CHRNA3: variants seen among roughly 807,000 people sequenced by gnomAD.
CHRNA3 encodes the protein cholinergic receptor nicotinic alpha 3 subunit, also known as neuronal acetylcholine receptor subunit alpha-3.
A neutral mutation model predicts 41.9 loss-of-function variants in CHRNA3; 34 were observed. The observed-to-expected ratio is 0.81, with a 90% CI of 0.62 to 1.08. CHRNA3 has a LOEUF of 1.08. Among genes scored for constraint, CHRNA3 ranks in the 50% least tolerant of loss-of-function variants. The pLI is 0.00. For synonymous variants in CHRNA3, 281 were observed against 265.2 expected, an observed-to-expected ratio of 1.06 and a Z score of -0.58; for missense variants, 542 against 638.3, an observed-to-expected ratio of 0.85 and a Z score of 1.63.
chr15:78,596,857 CCT>C, intron 5 of CHRNA3, 125 bp from the exon 6 acceptor site: 1 of 1,346,968 alleles, frequency 7.4e-7, no homozygotes, highest in Non-Finnish European at 9.7e-7. Context: ...TGTAAGAAGC[CCT>C]TTTTTTCCTA....
chr15:78,610,846 A>G (rs2053369004), intron 4 of CHRNA3, among the ~76,000 whole-genome samples: 1 of 152,252 alleles, frequency 6.6e-6, no homozygotes, highest in African/African-American at 2.4e-5. Flanking sequence ...AATAAAGCAG[A>G]AAGAAGAATC....
chr15:78,618,358 C>A, intron 3 of CHRNA3: 1 of 520,828 alleles, frequency 1.9e-6, no homozygotes, highest in Non-Finnish European at 3.5e-6. Context: ...GTTGTGTGAA[C>A]ATGGAGAATG....
chr15:78,597,507 A>C (rs565919228), intron 5 of CHRNA3, among the ~76,000 whole-genome samples: 18 of 151,910 alleles, frequency 1.2e-4, no homozygotes, highest in Non-Finnish European at 2.2e-4. Context: ...GTCCATCCTC[A>C]TCACTCTTTC....
chr15:78,620,922 G>C lies in CHRNA3; in HGVS notation c.-128C>G. 10 of 1,178,804 alleles carry C rather than the reference G, an allele frequency of 8.5e-6. No individual in the cohort carries two copies. The highest frequency in any genetic ancestry group is 1.1e-5 in the Non-Finnish European group (10 of 939,328). The allele number at this position is 1,178,804 out of a possible 1,614,324, so 73.0% of individuals were successfully genotyped here. On this transcript the variant is annotated 5_prime_UTR_variant, in exon 1 of 6. Coordinates refer to ENST00000326828, the MANE Select transcript of CHRNA3 (RefSeq NM_000743.5). Reference sequence around the variant, plus strand: ...GGAGCCGTGCGGGCGGAGACGCGCGGGGCTCCTCTCCGCTTCGCCGCCGCT... The same window carrying C: ...GGAGCCGTGCGGGCGGAGACGCGCGCGGCTCCTCTCCGCTTCGCCGCCGCT...
chr15:78,595,359 T>G lies in CHRNA3; in HGVS notation c.*1245A>C. The G allele has an allele frequency of 2.2e-6, 2 of 908,272 alleles. No individual in the cohort carries two copies. The highest frequency in any genetic ancestry group is 2.5e-6 in the Non-Finnish European group (2 of 799,516). The allele number at this position is 908,272 out of a possible 1,614,324, so 56.3% of individuals were successfully genotyped here. A position where few individuals can be genotyped will look rare whatever the true frequency, so the allele number is the denominator to read the frequency against. ...CACAGGAAAAACTAGTGAGACAAGA[T>G]TCAAACAGTCTCTGTGAATCATCTG... On this transcript the variant is annotated 3_prime_UTR_variant, in exon 6 of 6. Coordinates refer to ENST00000326828, the MANE Select transcript of CHRNA3 (RefSeq NM_000743.5).
chr15:78,604,755 G>A (rs551983021), intron 4 of CHRNA3, among the ~76,000 whole-genome samples: 40 of 152,348 alleles, frequency 2.6e-4, no homozygotes, highest in African/African-American at 9.6e-4. Context: ...GCTCACACCT[G>A]TAATACTAAT....
Position 78,601,844 on chromosome 15 carries a change from GGGCAGGTAGAAGACGAGCACAGTGAGGAA to G in CHRNA3, c.769_797del (p.Phe257LeufsTer5), listed in dbSNP as rs1463722686. 5.0e-6 allele frequency: 8 copies of G among 1,614,046 alleles called. No individual in the cohort carries two copies. The highest frequency in any genetic ancestry group is 6.8e-6 in the Non-Finnish European group (8 of 1,180,050). ...GGGTCACCTTCTCACCGCAGTCGGA[GGGCAGGTAGAAGACGAGCACAGTGAGGAA>G]GGAGATGAGCAGGCAGGGGATGATG... On this transcript the variant is annotated frameshift_variant, in exon 5 of 6. Coordinates refer to ENST00000326828, the MANE Select transcript of CHRNA3 (RefSeq NM_000743.5). LOFTEE classifies it high-confidence loss of function.
chr15:78,614,521 G>C (rs1276122193), intron 4 of CHRNA3, among the ~76,000 whole-genome samples: 1 of 152,130 alleles, frequency 6.6e-6, no homozygotes, highest in Non-Finnish European at 1.5e-5. Flanking sequence ...TTTTGTTTTT[G>C]CCAGAGACCA....
intron 4 of CHRNA3, among the ~76,000 whole-genome samples, chr15:78,612,180 C>T (rs374799428): frequency 6.6e-6 from 1 of 151,816 alleles, no homozygotes; most frequent in African/African-American, 2.4e-5. Flanking sequence ...CCCATCAAGC[C>T]ACCAATGACT....
chr15:78,603,207 G>C (rs981198831), intron 4 of CHRNA3, among the ~76,000 whole-genome samples: 5 of 152,190 alleles, frequency 3.3e-5, no homozygotes, highest in Non-Finnish European at 5.9e-5. Context: ...TAGGGATGGA[G>C]TTTTGCCATG....
intron 5 of CHRNA3, among the ~76,000 whole-genome samples, chr15:78,598,579 C>T (rs542223066): frequency 7.9e-5 from 12 of 151,876 alleles, no homozygotes; most frequent in East Asian, 3.9e-4. Flanking sequence ...TTTTTTGAGA[C>T]GCCCAGGCTG....
intron 4 of CHRNA3, among the ~76,000 whole-genome samples, chr15:78,613,486 C>T (rs988146126): frequency 2.0e-5 from 3 of 147,024 alleles, no homozygotes; most frequent in East Asian, 4.1e-4. Flanking sequence ...AACCAAACAC[C>T]GCATGTTATC....
At chr15:78,620,662 G>C in intron 1 of CHRNA3, 51 bp downstream of exon 1, 2 of 1,494,702 alleles carry the variant, frequency 1.3e-6, no homozygotes, top group Non-Finnish European at 1.8e-6. Flanking sequence ...CGGACCCCGC[G>C]CCCCTTCTCG....
At chr15:78,594,863 T>C (rs2053074724), downstream of CHRNA3, 1 of 152,246 alleles carries the variant, frequency 6.6e-6, no homozygotes, top group African/African-American at 2.4e-5. Context: ...AATCTTAGCC[T>C]ATTACTAGTA....
chr15:78,616,740 G>A (rs2053468258), intron 4 of CHRNA3, among the ~76,000 whole-genome samples: 1 of 152,114 alleles, frequency 6.6e-6, no homozygotes, highest in Admixed American at 6.6e-5. Flanking sequence ...ACAATCTTCA[G>A]GATTCACTTC....
At chr15:78,603,078 G>A (rs1463656626) in intron 4 of CHRNA3, among the ~76,000 whole-genome samples, 1 of 152,148 alleles carries the variant, frequency 6.6e-6, no homozygotes, top group Non-Finnish European at 1.5e-5. Context: ...AGGCTAGAAT[G>A]CAGTAGCTCA....
intron 4 of CHRNA3, among the ~76,000 whole-genome samples, chr15:78,609,865 A>G (rs951144317): frequency 5.9e-5 from 9 of 152,232 alleles, no homozygotes; most frequent in Non-Finnish European, 8.8e-5. Context: ...ATAGGCTCAA[A>G]ATAAAGGGAT....
intron 5 of CHRNA3, chr15:78,600,032 T>C (rs7173149): frequency 7.5e-6 from 1 of 133,396 alleles, no homozygotes; most frequent in Non-Finnish European, 1.6e-5. Context: ...AAAAAAAAAA[T>C]AGGTAAAACT....
chr15:78,614,332 G>C (rs566347523), intron 4 of CHRNA3, among the ~76,000 whole-genome samples: 2 of 152,250 alleles, frequency 1.3e-5, no homozygotes, highest in African/African-American at 2.4e-5. Flanking sequence ...TGATTCCTAC[G>C]ACAATTCAGT....
Sources: allele counts gnomAD v4.1 joint callset (sites outside exome capture counted in the v4.1 genomes callset), GRCh38; gene constraint gnomAD v4.1.1; transcripts MANE v1.5; gene names NCBI Gene and HGNC (gene_info 2026-07-23, HGNC 2026-07-21).